Variants in FOXP1 observed in about 807,000 individuals in gnomAD.
FOXP1 encodes forkhead box P1.
In FOXP1, 15 loss-of-function variants were observed where a neutral mutation model predicts 98.2. The observed-to-expected ratio is 0.15, with a 90% CI of 0.10 to 0.24. FOXP1 has a LOEUF of 0.24. Ranked by LOEUF, FOXP1 falls within the 10% of genes least tolerant of loss-of-function variation. The pLI is 1.00. For missense variants in FOXP1, 633 were observed against 848.5 expected (o/e 0.75, Z 3.15); for synonymous variants, 371 against 314.5 (o/e 1.18, Z -1.90).
At chr3:71,552,026 G>T (rs1233462236) in intron 2 of FOXP1, among the ~76,000 whole-genome samples, 1 of 152,070 alleles carries the variant, frequency 6.6e-6, no homozygotes, top group East Asian at 1.9e-4. Context: ...CCTTTACTAA[G>T]TGCCTGTCTT....
intron 4 of FOXP1, among the ~76,000 whole-genome samples, chr3:71,357,019 C>T (rs191056193): frequency 6.6e-6 from 1 of 152,284 alleles, no homozygotes; most frequent in East Asian, 1.9e-4. Context: ...GGTAAGCTTT[C>T]AGCAGAGATA....
chr3:71,563,823 T>C (rs1293414073), intron 2 of FOXP1, among the ~76,000 whole-genome samples: 2 of 152,344 alleles, frequency 1.3e-5, no homozygotes, highest in African/African-American at 4.8e-5. Context: ...AAAACCGTGT[T>C]TTCAACACTG....
intron 6 of FOXP1, among the ~76,000 whole-genome samples, chr3:71,126,944 G>T (rs542484187): frequency 6.6e-6 from 1 of 150,924 alleles, no homozygotes; most frequent in African/African-American, 2.4e-5. Flanking sequence ...GCAAAAACTG[G>T]AATCATTTTG....
chr3:71,446,330 T>G (rs1480618119), intron 3 of FOXP1, among the ~76,000 whole-genome samples: 1 of 152,114 alleles, frequency 6.6e-6, no homozygotes, highest in Non-Finnish European at 1.5e-5. Flanking sequence ...AATATGTTGT[T>G]GGCAGCCCAG....
At chr3:71,312,472 A>G (rs868626524) in intron 4 of FOXP1, among the ~76,000 whole-genome samples, 1 of 152,240 alleles carries the variant, frequency 6.6e-6, no homozygotes, top group African/African-American at 2.4e-5. Context: ...TGGACCAGAA[A>G]GATGAACTCC....
chr3:71,233,776 T>C (rs1278027041), intron 5 of FOXP1, among the ~76,000 whole-genome samples: 4 of 152,136 alleles, frequency 2.6e-5, no homozygotes, highest in African/African-American at 7.2e-5. Context: ...AGGACTTGTA[T>C]ATTTTTGGAA....
intron 6 of FOXP1, among the ~76,000 whole-genome samples, chr3:71,183,240 T>A (rs113549595): frequency 0.028 from 4,234 of 152,178 alleles, 203 homozygotes; most frequent in African/African-American, 0.095. Flanking sequence ...ATGCCTGTAA[T>A]CCCAGCACTT....
At chr3:71,235,216 T>A (rs561049128) in intron 5 of FOXP1, among the ~76,000 whole-genome samples, 81 of 152,316 alleles carry the variant, frequency 5.3e-4, no homozygotes, top group Middle Eastern at 3.4e-3. Context: ...GAAAAACTTT[T>A]TGGTGTATAA....
Position 71,465,863 on chromosome 3 carries a change from A to G in FOXP1, c.-168+27563T>C, listed in dbSNP as rs781187743. Among the ~76,000 whole-genome samples the G allele has an allele frequency of 1.8e-4, 27 of 152,176 alleles. 1 individual carries two copies. Among genetic ancestry groups the G allele is most frequent in the Non-Finnish European group, 2.8e-4 (19 of 68,018 alleles). On this transcript the variant is annotated intron_variant, in intron 3 of 20. Transcript: ENST00000649528. ...ATCAGCAGCGGCATTGGATTCTCAC[A>G]GGAGGGCGAACCCTATTGTGAACTG...
intron 3 of FOXP1, among the ~76,000 whole-genome samples, chr3:71,380,642 T>C (rs1477684150): frequency 6.6e-6 from 1 of 152,174 alleles, no homozygotes; most frequent in African/African-American, 2.4e-5. Context: ...ATATGCACAA[T>C]GTTTATTTTT....
At chr3:71,121,043 CTTT>C (rs35487973) in intron 6 of FOXP1, among the ~76,000 whole-genome samples, 12 of 144,468 alleles carry the variant, frequency 8.3e-5, no homozygotes, top group African/African-American at 5.1e-5. Flanking sequence ...TTCTTTCTTT[CTTT>C]TTTTTTTTTT....
At chr3:71,334,134 GTGGTGGCTC>G (rs2076523702) in intron 4 of FOXP1, 2 of 152,134 alleles carry the variant, frequency 1.3e-5, no homozygotes, top group African/African-American at 4.8e-5. Flanking sequence ...TGGGTCAGGT[GTGGTGGCTC>G]ACGCCTGTTA....
At chr3:71,401,487 T>C (rs747581150) in intron 3 of FOXP1, among the ~76,000 whole-genome samples, 1 of 152,238 alleles carries the variant, frequency 6.6e-6, no homozygotes, top group Non-Finnish European at 1.5e-5. Context: ...CAATTCAGGA[T>C]GAGAGGCAGC....
intron 2 of FOXP1, among the ~76,000 whole-genome samples, chr3:71,524,904 C>T (rs779736321): frequency 1.3e-5 from 2 of 152,156 alleles, no homozygotes; most frequent in African/African-American, 2.4e-5. Context: ...GGTCACCGTG[C>T]GGCCCACTTG....
chr3:71,053,096 T>C (rs560413541), intron 8 of FOXP1, among the ~76,000 whole-genome samples: 19 of 152,148 alleles, frequency 1.2e-4, no homozygotes, highest in Non-Finnish European at 2.5e-4. Context: ...TTGGTTCAGG[T>C]GGCTGTGAAG....
intron 7 of FOXP1, among the ~76,000 whole-genome samples, chr3:71,109,531 T>C (rs1247280422): frequency 6.6e-6 from 1 of 152,054 alleles, no homozygotes; most frequent in Non-Finnish European, 1.5e-5. Flanking sequence ...TCTCTCAGTG[T>C]AGTTATGAAG....
At chr3:71,235,867 A>C (rs1346067151) in intron 5 of FOXP1, among the ~76,000 whole-genome samples, 2 of 152,174 alleles carry the variant, frequency 1.3e-5, no homozygotes, top group Non-Finnish European at 2.9e-5. Flanking sequence ...CACCCGGCTA[A>C]TATTTCTCTC....
chr3:71,065,356 G>A (rs2052339453), intron 7 of FOXP1, among the ~76,000 whole-genome samples: 1 of 152,160 alleles, frequency 6.6e-6, no homozygotes, highest in African/African-American at 2.4e-5. Context: ...GCCGAAGAGG[G>A]GCACCCGGCG....
At chr3:71,373,252 T>C (rs2079473036) in intron 3 of FOXP1, among the ~76,000 whole-genome samples, 1 of 152,150 alleles carries the variant, frequency 6.6e-6, no homozygotes, top group South Asian at 2.1e-4. Context: ...TTCTATGCCA[T>C]GGCAACCAGG....
Sources: gnomAD v4.1 joint callset for allele counts (sites outside exome capture counted in the v4.1 genomes callset) on GRCh38, gnomAD v4.1.1 for gene constraint, MANE v1.5 for transcripts, NCBI Gene and HGNC (gene_info 2026-07-23, HGNC 2026-07-21) for gene names.